TAFA5: variants seen among roughly 807,000 people sequenced by gnomAD.
TAFA5 encodes chemokine-like protein TAFA-5.
Under a neutral mutation model 15.3 loss-of-function variants are expected in TAFA5, and 6 were observed. The ratio of observed to expected loss-of-function variants is 0.39; its 90% CI spans 0.21 to 0.77. TAFA5 has a LOEUF of 0.77. Ranked by LOEUF, TAFA5 falls within the 30% of genes least tolerant of loss-of-function variation. The pLI, the probability that TAFA5 is intolerant of heterozygous loss-of-function variation, is 0.41. For synonymous variants in TAFA5, 103 were observed against 80.7 expected (o/e 1.28, Z -1.48); for missense variants, 161 against 193.1 (o/e 0.83, Z 0.98).
chr22:48,513,146 T>C (rs1921283917), intron 1 of TAFA5, among the ~76,000 whole-genome samples: 1 of 152,096 alleles, frequency 6.6e-6, no homozygotes, highest in Non-Finnish European at 1.5e-5. Flanking sequence ...AGGAAAGGGT[T>C]TGGGACCCTC....
At chr22:48,544,603 G>A (rs1026977793) in intron 1 of TAFA5, 6 of 439,100 alleles carry the variant, frequency 1.4e-5, no homozygotes, top group African/African-American at 6.0e-5. Flanking sequence ...TGCACAGAGC[G>A]GCACAGCTGG....
At chr22:48,491,121 G>A (rs1299294562) in intron 1 of TAFA5, among the ~76,000 whole-genome samples, 2 of 152,216 alleles carry the variant, frequency 1.3e-5, no homozygotes, top group African/African-American at 4.8e-5. Context: ...CGAGGCCACC[G>A]TGGGTGCGCC....
intron 1 of TAFA5, chr22:48,539,510 C>T (rs145167811): frequency 4.5e-5 from 21 of 470,008 alleles, no homozygotes; most frequent in South Asian, 1.2e-4. Flanking sequence ...TACATTTAGA[C>T]GGGTGCAGTT....
At chr22:48,614,556 CA>C (rs923302966) in intron 1 of TAFA5, among the ~76,000 whole-genome samples, 3 of 152,184 alleles carry the variant, frequency 2.0e-5, no homozygotes, top group African/African-American at 7.2e-5. Flanking sequence ...TGCCCTCCCC[CA>C]GGGCTCCTTG....
chr22:48,597,493 G>A (rs1924810353), intron 1 of TAFA5, among the ~76,000 whole-genome samples: 1 of 150,222 alleles, frequency 6.7e-6, no homozygotes, highest in African/African-American at 2.5e-5. Context: ...CATCACCTGG[G>A]CCTCAGTTTC....
At chr22:48,613,936 A>G (rs28469318) in intron 1 of TAFA5, among the ~76,000 whole-genome samples, 129,083 of 152,236 alleles carry the variant, frequency 0.85, 55,003 homozygotes, top group East Asian at 0.94. Context: ...GGTGGCCCTC[A>G]GCCCGCTTCC....
chr22:48,576,253 G>A, intron 1 of TAFA5: 1 of 374,778 alleles, frequency 2.7e-6, no homozygotes, highest in Non-Finnish European at 4.2e-6. Flanking sequence ...GCCCCCGCCC[G>A]CCCCCTCCGC....
chr22:48,545,115 G>A (rs1336071717), intron 1 of TAFA5: 2 of 349,786 alleles, frequency 5.7e-6, no homozygotes, highest in Non-Finnish European at 1.1e-5. Flanking sequence ...TTCTAAGCGA[G>A]TCTTCAGGTT....
At chr22:48,585,946 A>G (rs1370923538) in intron 1 of TAFA5, among the ~76,000 whole-genome samples, 1 of 152,130 alleles carries the variant, frequency 6.6e-6, no homozygotes, top group East Asian at 1.9e-4. Context: ...CACACACGAT[A>G]CCCCAAACAC....
chr22:48,553,829 G>A (rs1922939366), intron 1 of TAFA5, among the ~76,000 whole-genome samples: 2 of 152,162 alleles, frequency 1.3e-5, no homozygotes, highest in Admixed American at 1.3e-4. Flanking sequence ...GCTTGTCAAG[G>A]CCCCTGGAAT....
intron 1 of TAFA5, among the ~76,000 whole-genome samples, chr22:48,569,516 A>G (rs979811185): frequency 6.6e-6 from 1 of 152,122 alleles, no homozygotes. Flanking sequence ...ATCAAGGCCC[A>G]CGGGGTGCAT....
intron 1 of TAFA5, among the ~76,000 whole-genome samples, chr22:48,551,020 C>G (rs1042188059): frequency 6.6e-6 from 1 of 151,960 alleles, no homozygotes; most frequent in African/African-American, 2.4e-5. Flanking sequence ...TGTGGTGTCC[C>G]CTCTCCCCCA....
chr22:48,582,823 A>G (rs1179126356), intron 1 of TAFA5, among the ~76,000 whole-genome samples: 1 of 48,778 alleles, frequency 2.1e-5, no homozygotes, highest in African/African-American at 1.1e-4. Flanking sequence ...ACCACACACC[A>G]CACACAATAA....
intron 2 of TAFA5, among the ~76,000 whole-genome samples, chr22:48,656,951 A>G (rs1927274784): frequency 6.6e-6 from 1 of 151,892 alleles, no homozygotes; most frequent in African/African-American, 2.4e-5. Context: ...TTCTATTTAT[A>G]GTAGAGATGG....
chr22:48,546,030 G>A lies in TAFA5; in HGVS notation c.112+56326G>A, dbSNP rs73888927. Among the ~76,000 whole-genome samples the A allele has an allele frequency of 3.6e-3, 543 of 152,312 alleles. 4 individuals carry two copies. Among genetic ancestry groups the A allele is most frequent in the African/African-American group, 0.012 (519 of 41,562 alleles). On this transcript the variant is annotated intron_variant, in intron 1 of 3. Transcript: ENST00000402357. ...TGGGTGGCCAGGCCCGTCGCTGGGC[G>A]GGAGGAGAGCCAGGCACATGCTCGG...
rs115950697 is a variant in TAFA5 at position 48,560,042 on chromosome 22, C to G, written c.112+70338C>G. ...CTGCAGGGTCTTCTTTCTATGCACA[C>G]GCCGGCCATCCTCCATCAGGCAGCT... On this transcript the variant is annotated intron_variant, in intron 1 of 3. Transcript: ENST00000402357. This position sits in a 1 kb window ranked among gnomAD's most constrained non-coding sequence, Gnocchi z 4.2. 6.6e-6 allele frequency among the ~76,000 whole-genome samples: 1 copy of G among 152,144 alleles called. No individual in the cohort carries two copies. Among genetic ancestry groups the G allele is most frequent in the African/African-American group, 2.4e-5 (1 of 41,428 alleles).
At chr22:48,532,019 G>C (rs1054696072) in intron 1 of TAFA5, among the ~76,000 whole-genome samples, 1 of 152,246 alleles carries the variant, frequency 6.6e-6, no homozygotes, top group Admixed American at 6.5e-5. Context: ...TGTCTGCACA[G>C]CTGGTCACTG....
intron 2 of TAFA5, among the ~76,000 whole-genome samples, chr22:48,690,857 C>T (rs1160458216): frequency 6.6e-6 from 1 of 152,136 alleles, no homozygotes; most frequent in Non-Finnish European, 1.5e-5. Flanking sequence ...GCCCCCGCCC[C>T]CTGTCTTCTA....
intron 2 of TAFA5, among the ~76,000 whole-genome samples, chr22:48,674,009 C>CGCCTCACATCTGGACTCCTCTTCGCCT (rs1569074105): frequency 6.6e-6 from 1 of 151,606 alleles, no homozygotes; most frequent in African/African-American, 2.4e-5. Context: ...ACTTTTTGCC[C>CGCCTCACATCTGGACTCCTCTTCGCCT]GCCTCACATC....
Sources: gnomAD v4.1 joint callset for allele counts (sites outside exome capture counted in the v4.1 genomes callset) on GRCh38, gnomAD v4.1.1 for gene constraint, Gnocchi (gnomAD v3.1) non-coding constraint, MANE v1.5 for transcripts, NCBI Gene and HGNC (gene_info 2026-07-23, HGNC 2026-07-21) for gene names.